The following PRKN variants were observed in gnomAD, a reference collection of about 807,000 sequenced individuals.
The protein encoded by PRKN is parkin RBR E3 ubiquitin protein ligase.
Under a neutral mutation model 59.5 loss-of-function variants are expected in PRKN, and 56 were observed. The observed-to-expected ratio is 0.94, with a 90% CI of 0.76 to 1.18. PRKN has a LOEUF of 1.18. Among genes scored for constraint, PRKN ranks in the 50% most tolerant of loss-of-function variants. The pLI is 0.00. For synonymous variants in PRKN, 250 were observed against 222.1 expected (o/e 1.13, Z -1.12); for missense variants, 657 against 596.4 (o/e 1.10, Z -1.06).
intron 1 of PRKN, among the ~76,000 whole-genome samples, chr6:162,616,054 A>ATC (rs1782396516): frequency 6.6e-6 from 1 of 152,218 alleles, no homozygotes; most frequent in Non-Finnish European, 1.5e-5. Flanking sequence ...GTCACCCAGG[A>ATC]ACCTCCTAAC....
chr6:161,892,996 C>T (rs1562370328), intron 6 of PRKN, among the ~76,000 whole-genome samples: 1 of 152,152 alleles, frequency 6.6e-6, no homozygotes, highest in African/African-American at 2.4e-5. Flanking sequence ...GCACCTGCCA[C>T]CACGCCCGGC....
At chr6:161,426,019 A>AG (rs1788336788) in intron 9 of PRKN, among the ~76,000 whole-genome samples, 1 of 152,114 alleles carries the variant, frequency 6.6e-6, no homozygotes, top group South Asian at 2.1e-4. Context: ...CTGGATGTTC[A>AG]GGGGAATTAA....
At chr6:162,498,056 G>GA (rs1189499826) in intron 1 of PRKN, among the ~76,000 whole-genome samples, 3 of 151,796 alleles carry the variant, frequency 2.0e-5, no homozygotes, top group Non-Finnish European at 2.9e-5. Context: ...TTTAAAAAAG[G>GA]AAAAAAACAC....
intron 1 of PRKN, among the ~76,000 whole-genome samples, chr6:162,565,790 T>A (rs1311579747): frequency 1.3e-5 from 2 of 151,056 alleles, no homozygotes; most frequent in African/African-American, 4.9e-5. Flanking sequence ...ACAGACTGGG[T>A]GAATGGATGA....
At chr6:162,401,627 T>C (rs1787797451) in intron 2 of PRKN, among the ~76,000 whole-genome samples, 1 of 152,170 alleles carries the variant, frequency 6.6e-6, no homozygotes, top group Non-Finnish European at 1.5e-5. Flanking sequence ...TTTCCACTAT[T>C]GAAAACTCAA....
At chr6:162,646,823 G>T (rs1310189814) in intron 1 of PRKN, among the ~76,000 whole-genome samples, 2 of 152,096 alleles carry the variant, frequency 1.3e-5, no homozygotes, top group Admixed American at 6.5e-5. Context: ...GTAACACACG[G>T]TAAGTATTTG....
chr6:162,006,087 G>A (rs1281727027), intron 5 of PRKN, among the ~76,000 whole-genome samples: 2 of 152,094 alleles, frequency 1.3e-5, no homozygotes, highest in Admixed American at 1.3e-4. Flanking sequence ...GTACACGAGA[G>A]CTTTGAAACA....
chr6:162,271,542 CA>C (rs200835854), intron 2 of PRKN: 2,089 of 95,424 alleles, frequency 0.022, 53 homozygotes, highest in African/African-American at 0.066. Context: ...GACTCCGTCT[CA>C]AAAAAAAAAA....
intron 1 of PRKN, among the ~76,000 whole-genome samples, chr6:162,623,123 T>C (rs1190086374): frequency 6.6e-6 from 1 of 152,248 alleles, no homozygotes; most frequent in East Asian, 1.9e-4. Context: ...CAACCTCTTT[T>C]TTTTGGATCT....
intron 6 of PRKN, among the ~76,000 whole-genome samples, chr6:161,813,672 A>G (rs751147628): frequency 2.0e-5 from 3 of 152,292 alleles, no homozygotes; most frequent in Non-Finnish European, 2.9e-5. Context: ...TGTACCCACA[A>G]GGCTCCCCTG....
At chr6:162,075,964 CTTTTTTT>C (rs201642343) in intron 4 of PRKN, among the ~76,000 whole-genome samples, 2 of 132,962 alleles carry the variant, frequency 1.5e-5, no homozygotes, top group East Asian at 2.5e-4. Flanking sequence ...GAAAGGCTTG[CTTTTTTT>C]TTTTTTTTTT....
intron 2 of PRKN, among the ~76,000 whole-genome samples, chr6:162,351,667 A>G (rs1461460725): frequency 6.6e-6 from 1 of 152,186 alleles, no homozygotes; most frequent in Non-Finnish European, 1.5e-5. Context: ...CAAATGTCAG[A>G]ACAGATAAAC....
At chr6:162,439,898 T>C (rs1276135880) in intron 2 of PRKN, among the ~76,000 whole-genome samples, 4 of 152,184 alleles carry the variant, frequency 2.6e-5, no homozygotes, top group Non-Finnish European at 5.9e-5. Flanking sequence ...TTCCCGTCAA[T>C]AGCAGACTAC....
In PRKN at chr6:161,873,497, G is replaced by GAATGGAAAGGAAAATC. The variant is rs200211491; in HGVS notation, c.735-87605_735-87590dup. On this transcript the variant is annotated intron_variant, in intron 6 of 11. Transcript: ENST00000366898. ...CGTATCGGACTCGAGAAATTCCGAG[G>GAATGGAAAGGAAAATC]AATGGAAAGGAAAATCGCCGGTAGC... 9.2e-3 allele frequency among the ~76,000 whole-genome samples: 1,396 copies of GAATGGAAAGGAAAATC among 151,960 alleles called. 13 individuals are homozygous for GAATGGAAAGGAAAATC. The highest frequency in any genetic ancestry group is 0.032 in the African/African-American group (1,344 of 41,416).
At chr6:162,130,721 C>T (rs1242251292) in intron 4 of PRKN, among the ~76,000 whole-genome samples, 1 of 152,146 alleles carries the variant, frequency 6.6e-6, no homozygotes, top group African/African-American at 2.4e-5. Context: ...TTATATTTTG[C>T]AGCCAGGAAG....
chr6:162,254,492 T>C (rs1779567020), intron 3 of PRKN, among the ~76,000 whole-genome samples: 1 of 151,670 alleles, frequency 6.6e-6, no homozygotes, highest in Non-Finnish European at 1.5e-5. Flanking sequence ...AAAAGACACA[T>C]TAGCAGGACT....
intron 9 of PRKN, among the ~76,000 whole-genome samples, chr6:161,500,769 T>A (rs539725556): frequency 6.6e-6 from 1 of 152,302 alleles, no homozygotes; most frequent in Admixed American, 6.5e-5. Flanking sequence ...AATATCTGTA[T>A]GAAGGTTTAG....
chr6:161,816,137 C>A (rs1216104862), intron 6 of PRKN, among the ~76,000 whole-genome samples: 1 of 152,114 alleles, frequency 6.6e-6, no homozygotes, highest in Non-Finnish European at 1.5e-5. Context: ...ACTGGTGGAT[C>A]CCTGCAGTCC....
intron 1 of PRKN, among the ~76,000 whole-genome samples, chr6:162,692,428 C>T (rs543982883): frequency 6.6e-5 from 10 of 152,308 alleles, no homozygotes; most frequent in Non-Finnish European, 1.5e-4. Flanking sequence ...CAGTTTTATG[C>T]TAACAATGTG....
Sources: gnomAD v4.1 joint callset for allele counts (sites outside exome capture counted in the v4.1 genomes callset) on GRCh38, gnomAD v4.1.1 for gene constraint, MANE v1.5 for transcripts, NCBI Gene and HGNC (gene_info 2026-07-23, HGNC 2026-07-21) for gene names.